Variants in SPTB observed in about 807,000 individuals in gnomAD.
SPTB encodes spectrin beta, erythrocytic.
SPTB carries 45 observed loss-of-function variants against 256.2 expected under a neutral mutation model. That is an observed-to-expected ratio of 0.18 (90% CI 0.14 to 0.23). The LOEUF (loss-of-function observed/expected upper bound fraction) is 0.23. SPTB is among the 10% of genes least tolerant of loss of function. SPTB has a pLI of 1.00. For synonymous variants in SPTB, 1,231 were observed against 1,243.1 expected (o/e 0.99, Z 0.21); for missense variants, 2,715 against 3,040.4 (o/e 0.89, Z 2.52).
chr14:64,870,323 A>G (rs1179342033), intron 1 of SPTB, among the ~76,000 whole-genome samples: 1 of 152,188 alleles, frequency 6.6e-6, no homozygotes, highest in East Asian at 1.9e-4. Context: ...CTGAAAAAAA[A>G]AAAGTCAGAG....
chr14:64,829,830 C>T (rs1265314037), intron 1 of SPTB, among the ~76,000 whole-genome samples: 2 of 152,132 alleles, frequency 1.3e-5, no homozygotes, highest in Non-Finnish European at 2.9e-5. Context: ...GGTCCTAAGG[C>T]CCTTCCCATT....
At chr14:64,867,349 G>T (rs1195809860) in intron 1 of SPTB, among the ~76,000 whole-genome samples, 1 of 152,196 alleles carries the variant, frequency 6.6e-6, no homozygotes, top group Non-Finnish European at 1.5e-5. Context: ...GGGCACGAGT[G>T]TCCCCAAGGA....
chr14:64,875,115 C>T (rs1464449429), intron 1 of SPTB, among the ~76,000 whole-genome samples: 1 of 152,166 alleles, frequency 6.6e-6, no homozygotes, highest in East Asian at 1.9e-4. Context: ...AACATTATGG[C>T]AAAGCCTGAG....
chr14:64,766,312 G>A (rs1315575012), intron 32 of SPTB: 1 of 986,826 alleles, frequency 1.0e-6, no homozygotes, highest in African/African-American at 1.7e-5. Flanking sequence ...GTGTAGGTGT[G>A]GGTGCAGGGG....
chr14:64,780,016 T>C (rs1473806840), intron 20 of SPTB, 85 bp from the exon 21 acceptor site: 2 of 1,218,286 alleles, frequency 1.6e-6, no homozygotes, highest in African/African-American at 3.0e-5. Context: ...ATCCCACCCA[T>C]CCTTTAAGGC....
chr14:64,868,223 C>T (rs1342217549), intron 1 of SPTB, among the ~76,000 whole-genome samples: 4 of 151,964 alleles, frequency 2.6e-5, no homozygotes, highest in South Asian at 4.1e-4. Flanking sequence ...AATTATTATT[C>T]AAACATAAGA....
rs760803657 is a variant in SPTB, at chr14:64,782,451, T to C, written c.4105A>G (p.Lys1369Glu). 145 of 1,614,010 alleles carry C rather than the reference T, an allele frequency of 9.0e-5. No individual in the cohort carries two copies. The East Asian group carries it at 1.7e-3, about 19-fold the overall frequency. Residue 1369 changes from lysine to glutamate, a missense_variant, in exon 20 of 36, where the codon AAG (lysine) becomes GAG (glutamate). Around this residue, in one of 4 missense-constraint regions of SPTB, gnomAD observed 2,239 missense variants for 2,384.4 expected, o/e 0.94. Coordinates refer to ENST00000644917, the MANE Select transcript of SPTB (RefSeq NM_001355436.2). ...GCCGAGAGGTGCTGGGTCTTCTCCT[T>C]TGTGGTGGCCTGCAGCTCGTCCCAG... ...RLWDELQATT[K>E]EKTQHLSAAR... is the part of the protein sequence containing the mutation.
rs761219781 is a variant in SPTB, at chr14:64,841,648, G to A, written c.-51-18503C>T. On this transcript the variant is annotated intron_variant, in intron 1 of 35. Coordinates refer to ENST00000644917, the MANE Select transcript of SPTB (RefSeq NM_001355436.2). The surrounding 1 kb of genome is among the most constrained non-coding windows in gnomAD (Gnocchi z 4.6). The stretch of plus-strand genomic sequence containing the variant: ...ATCGACACAGACATGGAGAAGATAG[G>A]AAAGCATTGTGGGTAACGTTCCCAG... Among the ~76,000 whole-genome samples, 14 of 152,090 alleles carry A rather than the reference G, an allele frequency of 9.2e-5. No homozygotes were observed. The highest frequency in any genetic ancestry group is 1.5e-4 in the Non-Finnish European group (10 of 68,020).
chr14:64,879,557 G>T (rs1208076127), intron 1 of SPTB, among the ~76,000 whole-genome samples: 1 of 152,318 alleles, frequency 6.6e-6, no homozygotes, highest in Admixed American at 6.5e-5. Context: ...TGCCTCGGAC[G>T]CCCGCGCGCG....
chr14:64,801,957 C>A, intron 5 of SPTB, 123 bp from the exon 6 acceptor site: 1 of 995,844 alleles, frequency 1.0e-6, no homozygotes, highest in Non-Finnish European at 1.6e-6. Flanking sequence ...GCCAGGTCAC[C>A]AAGAGGGGGC....
rs370960231 is a variant in SPTB, at chr14:64,795,574, G to A, written c.1407C>T (p.Thr469=). ...CCCGCTCCTCGTAGGCAGCCGTGTCGGTCTCGATGGCCTCATGCTTCTTCT... is the reference window on the plus strand; with the variant it reads ...CCCGCTCCTCGTAGGCAGCCGTGTCAGTCTCGATGGCCTCATGCTTCTTCT... ...AAKKKHEAIE[T]DTAAYEERVR... The change falls in exon 12 of 36, where the codon ACC becomes ACT. Residue 469 remains threonine (T), a synonymous_variant. Coordinates refer to ENST00000644917, the MANE Select transcript of SPTB (RefSeq NM_001355436.2). This position sits in a 1 kb window ranked among gnomAD's most constrained non-coding sequence, Gnocchi z 6.5. 66 of 1,614,096 alleles carry A rather than the reference G, an allele frequency of 4.1e-5. No individual in the cohort carries two copies. Among genetic ancestry groups the A allele is most frequent in the East Asian group, 1.1e-4 (5 of 44,882 alleles).
chr14:64,773,768 G>A (rs577903544), intron 24 of SPTB, among the ~76,000 whole-genome samples: 15 of 152,284 alleles, frequency 9.9e-5, no homozygotes, highest in East Asian at 3.9e-4. Context: ...TGGGGCTCCC[G>A]CAGCAACAGC....
Position 64,791,731 on chromosome 14 carries a change from T to C in SPTB, c.2792A>G (p.His931Arg). The C allele has an allele frequency of 6.2e-7, 1 of 1,614,102 alleles. No homozygotes were observed. Among genetic ancestry groups the C allele is most frequent in the Non-Finnish European group, 8.5e-7 (1 of 1,180,012 alleles). The change falls in exon 15 of 36, where the codon CAT (histidine) becomes CGT (arginine). Residue 931 changes from histidine (H) to arginine (R), a missense_variant. Coordinates refer to ENST00000644917, the MANE Select transcript of SPTB (RefSeq NM_001355436.2). Reference sequence around the variant, plus strand: ...ACCCACACCCCACCTGGTGTTCAGATGGTCCTGGTACTGCTTCACCTCCCT... The same window carrying C: ...ACCCACACCCCACCTGGTGTTCAGACGGTCCTGGTACTGCTTCACCTCCCT... ...RSREVKQYQD[H>R]LNTRWQAFQT...
intron 1 of SPTB, among the ~76,000 whole-genome samples, chr14:64,842,366 A>C (rs1048841156): frequency 2.0e-5 from 3 of 152,222 alleles, no homozygotes; most frequent in Admixed American, 1.3e-4. Flanking sequence ...TGGCAGAAAT[A>C]GTAGACTAAG....
chr14:64,793,052 G>T lies in SPTB; in HGVS notation c.2611C>A (p.Leu871Met), dbSNP rs1171931483. The T allele has an allele frequency of 1.2e-6, 2 of 1,613,932 alleles. No individual in the cohort carries two copies. The highest frequency in any genetic ancestry group is 3.3e-5 in the Admixed American group (2 of 60,012). The change falls in exon 14 of 36, where the codon CTG becomes ATG. Residue 871 changes from leucine to methionine, a missense_variant. Coordinates refer to ENST00000644917, the MANE Select transcript of SPTB (RefSeq NM_001355436.2). This position sits in a 1 kb window ranked among gnomAD's most constrained non-coding sequence, Gnocchi z 7.0. ...GTGTCTGGCATTTCCATCTCGGCCA[G>T]CCACTTCTCCTTCTCTCCCATCCAC... ...ELWMGEKEKW[L>M]AEMEMPDTLE...
chr14:64,782,523 G>C lies in SPTB; in HGVS notation c.4033C>G (p.Gln1345Glu). 1 of 1,613,994 alleles carries C rather than the reference G, an allele frequency of 6.2e-7. No individual in the cohort carries two copies. Among genetic ancestry groups the C allele is most frequent in the South Asian group, 1.1e-5 (1 of 91,088 alleles). ...EGKQLMDEKP[Q>E]FTALVSQKLE... ...TTTTGGGACACCAGGGCTGTAAACT[G>C]GGGCTTCTCATCCATCAGCTGCTTT... Residue 1345 changes from glutamine to glutamate, a missense_variant, in exon 20 of 36, where the codon CAG becomes GAG. Gln to Glu is a conservative substitution (Grantham distance 29). Transcript: ENST00000644917.
rs2082071595 is a variant in SPTB, at chr14:64,760,131, G to T, written c.6346-6338C>A. Among the ~76,000 whole-genome samples, 1 of 152,178 alleles carries T rather than the reference G, an allele frequency of 6.6e-6. No homozygotes were observed. The highest frequency in any genetic ancestry group is 2.4e-5 in the African/African-American group (1 of 41,430). On this transcript the variant is annotated intron_variant, in intron 32 of 35. Transcript: ENST00000644917. This position sits in a 1 kb window ranked among gnomAD's most constrained non-coding sequence, Gnocchi z 4.3. ...CAGGGAGAGGCCACAGGCTCCCAATGGGTGCGGGATGGCCATCTCTGGGTC... is the reference window on the plus strand; with the variant it reads ...CAGGGAGAGGCCACAGGCTCCCAATTGGTGCGGGATGGCCATCTCTGGGTC...
chr14:64,817,176 C>T (rs149689138), intron 2 of SPTB, among the ~76,000 whole-genome samples: 166 of 147,702 alleles, frequency 1.1e-3, no homozygotes, highest in Middle Eastern at 3.5e-3. Flanking sequence ...GCAGGGGAAA[C>T]CTGCCCCGGG....
At chr14:64,854,882 AAT>A (rs1174534945) in intron 1 of SPTB, among the ~76,000 whole-genome samples, 1 of 152,168 alleles carries the variant, frequency 6.6e-6, no homozygotes, top group Non-Finnish European at 1.5e-5. Context: ...CTCCCCTACA[AAT>A]GAGTTCTCTG....
Sources: gnomAD v4.1 joint callset for allele counts (sites outside exome capture counted in the v4.1 genomes callset) on GRCh38, gnomAD v4.1.1 for gene constraint, gnomAD v4.1.1 regional missense constraint, Gnocchi (gnomAD v3.1) non-coding constraint, MANE v1.5 for transcripts, NCBI Gene and HGNC (gene_info 2026-07-23, HGNC 2026-07-21) for gene names.